SETD7: variants seen among roughly 807,000 people sequenced by gnomAD.
The protein encoded by SETD7 is histone-lysine N-methyltransferase SETD7.
Under a neutral mutation model 41.8 loss-of-function variants are expected in SETD7, and 16 were observed. The ratio of observed to expected loss-of-function variants is 0.38; its 90% confidence interval spans 0.26 to 0.58. The LOEUF is 0.58. SETD7 is among the 20% of genes least tolerant of loss of function. SETD7 has a pLI of 0.64. For missense variants in SETD7, 346 were observed against 459.7 expected (o/e 0.75, Z 2.26); for synonymous variants, 163 against 169.7 (o/e 0.96, Z 0.31).
downstream of SETD7, among the ~76,000 whole-genome samples, chr4:139,494,911 G>A (rs1328711213): frequency 6.6e-6 from 1 of 152,178 alleles, no homozygotes; most frequent in African/African-American, 2.4e-5. Flanking sequence ...TAATGAGCTG[G>A]GGAATGCACA....
intron 7 of SETD7, among the ~76,000 whole-genome samples, chr4:139,513,118 A>T (rs1207711578): frequency 2.6e-5 from 4 of 151,854 alleles, no homozygotes; most frequent in African/African-American, 9.7e-5. Flanking sequence ...TCCAGGCCCT[A>T]AGTTAGATTG....
intron 4 of SETD7, among the ~76,000 whole-genome samples, chr4:139,526,046 T>TTTTGTTTG (rs140153702): frequency 0.01 from 1,535 of 150,980 alleles, 28 homozygotes; most frequent in African/African-American, 0.035. Flanking sequence ...TGTTGTTTGT[T>TTTTGTTTG]TTTGTTTGTT....
chr4:139,538,821 C>T (rs1319539953), intron 2 of SETD7, among the ~76,000 whole-genome samples: 2 of 152,156 alleles, frequency 1.3e-5, no homozygotes, highest in East Asian at 1.9e-4. Flanking sequence ...TTCCTGGTAC[C>T]ATCATCTGAA....
chr4:139,543,609 T>C (rs1727838577), intron 2 of SETD7, among the ~76,000 whole-genome samples: 1 of 152,124 alleles, frequency 6.6e-6, no homozygotes, highest in Non-Finnish European at 1.5e-5. Context: ...TATTTTTCCT[T>C]GATTCTATTT....
At chr4:139,517,831 C>T (rs960439220) in intron 7 of SETD7, 54 bp downstream of exon 7, 25 of 1,540,734 alleles carry the variant, frequency 1.6e-5, no homozygotes, top group Middle Eastern at 3.9e-4. Context: ...TGCCCTCCTC[C>T]GTCTCAGGGC....
intron 2 of SETD7, among the ~76,000 whole-genome samples, chr4:139,539,042 C>T (rs769887920): frequency 1.3e-5 from 2 of 152,074 alleles, no homozygotes; most frequent in Admixed American, 6.5e-5. Flanking sequence ...TCAGATATTG[C>T]TGTATTTTCA....
chr4:139,528,076 T>C (rs1034488773), intron 4 of SETD7, among the ~76,000 whole-genome samples: 2 of 152,230 alleles, frequency 1.3e-5, no homozygotes, highest in African/African-American at 4.8e-5. Flanking sequence ...CATGCATATA[T>C]TGTTTTCAGG....
intron 4 of SETD7, among the ~76,000 whole-genome samples, chr4:139,525,763 C>A (rs2592978): frequency 6.6e-5 from 10 of 152,286 alleles, no homozygotes; most frequent in Admixed American, 5.2e-4. Flanking sequence ...CCCTGTACCC[C>A]CTAACCCACT....
intron 4 of SETD7, among the ~76,000 whole-genome samples, chr4:139,524,557 A>G (rs1359159611): frequency 6.6e-6 from 1 of 152,194 alleles, no homozygotes; most frequent in African/African-American, 2.4e-5. Flanking sequence ...TGATGGGGCC[A>G]CTGCTGGAGA....
At chr4:139,496,165 GT>G (rs1054609587) in exon 8 of SETD7, 5 of 469,334 alleles carry the variant, frequency 1.1e-5, no homozygotes, top group Middle Eastern at 5.5e-4. Context: ...AGTCCTGCTG[GT>G]TTGAGGGTCT....
chr4:139,533,973 G>T (rs1156305631), intron 2 of SETD7, among the ~76,000 whole-genome samples: 1 of 151,814 alleles, frequency 6.6e-6, no homozygotes, highest in African/African-American at 2.4e-5. Flanking sequence ...ATCTATGTAT[G>T]TATGTATGTA....
downstream of SETD7, among the ~76,000 whole-genome samples, chr4:139,502,608 T>A (rs149016621): frequency 1.6e-4 from 25 of 152,152 alleles, no homozygotes; most frequent in Middle Eastern, 3.4e-3. Flanking sequence ...CAGAGAGTAG[T>A]CGAAAGCCCA....
Position 139,510,037 on chromosome 4 carries a change from G to A in SETD7, c.*1626C>T, listed in dbSNP as rs1726826441. The A allele has an allele frequency of 4.7e-6, 1 of 213,186 alleles. No homozygotes were observed. The highest frequency in any genetic ancestry group is 1.7e-4 in the South Asian group (1 of 6,058). The allele number at this position is 213,186 out of a possible 1,614,324, so 13.2% of individuals were successfully genotyped here. A position where few individuals can be genotyped will look rare whatever the true frequency, so the allele number is the denominator to read the frequency against. ...CTGAAATGAAAGTCATGAGCAGCCTGGGATTAAGCACTTTTGTTGTAGTCT... is the reference window on the plus strand; with the variant it reads ...CTGAAATGAAAGTCATGAGCAGCCTAGGATTAAGCACTTTTGTTGTAGTCT... On this transcript the variant is annotated 3_prime_UTR_variant, in exon 8 of 8. Coordinates refer to ENST00000274031, the MANE Select transcript of SETD7 (RefSeq NM_030648.4).
chr4:139,550,507 C>T (rs543978846), intron 1 of SETD7, among the ~76,000 whole-genome samples: 50 of 152,224 alleles, frequency 3.3e-4, no homozygotes, highest in Admixed American at 1.3e-4. Context: ...TTTAATATCC[C>T]GGATTAGTTT....
chr4:139,555,082 TAA>T lies in SETD7; in HGVS notation c.40+1014_40+1015del, dbSNP rs2111183751. On this transcript the variant is annotated intron_variant, in intron 1 of 7. Coordinates refer to ENST00000274031, the MANE Select transcript of SETD7 (RefSeq NM_030648.4). This position sits in a 1 kb window ranked among gnomAD's most constrained non-coding sequence, Gnocchi z 4.0. ...ATGGAGTGGAACCAAATAAATACGC[TAA>T]AGAGTATTTTCCAGTATTCGCTGTT... Among the ~76,000 whole-genome samples the T allele has an allele frequency of 6.7e-6, 1 of 149,672 alleles. No homozygotes were observed. Among genetic ancestry groups the T allele is most frequent in the Admixed American group, 6.7e-5 (1 of 14,946 alleles).
intron 4 of SETD7, among the ~76,000 whole-genome samples, chr4:139,527,837 C>T (rs944580541): frequency 2.6e-5 from 4 of 152,214 alleles, no homozygotes; most frequent in African/African-American, 9.6e-5. Flanking sequence ...CAGAATCCCA[C>T]ATTGCATTTA....
chr4:139,543,551 G>A (rs1348668616), intron 2 of SETD7, among the ~76,000 whole-genome samples: 1 of 152,042 alleles, frequency 6.6e-6, no homozygotes, highest in Non-Finnish European at 1.5e-5. Flanking sequence ...ATTAACTCCC[G>A]TCTATCTGAA....
chr4:139,542,725 G>A (rs1320930850), intron 2 of SETD7, among the ~76,000 whole-genome samples: 1 of 151,962 alleles, frequency 6.6e-6, no homozygotes, highest in East Asian at 1.9e-4. Flanking sequence ...TGTTATGTTT[G>A]CAATTTAAAA....
chr4:139,526,612 T>G (rs1727336844), intron 4 of SETD7, among the ~76,000 whole-genome samples: 1 of 152,130 alleles, frequency 6.6e-6, no homozygotes, highest in Non-Finnish European at 1.5e-5. Flanking sequence ...GCAAGAAGAA[T>G]GTAATAACAA....
Sources: allele counts gnomAD v4.1 joint callset (sites outside exome capture counted in the v4.1 genomes callset), GRCh38; gene constraint gnomAD v4.1.1; non-coding constraint Gnocchi (gnomAD v3.1); transcripts MANE v1.5; gene names NCBI Gene and HGNC (gene_info 2026-07-23, HGNC 2026-07-21).